The following MMP16 variants were observed in gnomAD, a reference collection of about 807,000 sequenced individuals.
MMP16 encodes the protein matrix metallopeptidase 16, also known as matrix metalloproteinase-16.
MMP16 carries 12 observed loss-of-function variants against 67.8 expected under a neutral mutation model. The observed-to-expected ratio is 0.18, with a 90% confidence interval of 0.11 to 0.29. The LOEUF (loss-of-function observed/expected upper bound fraction) is 0.29. MMP16 is among the 10% of genes least tolerant of loss of function. The pLI is 1.00. For synonymous variants in MMP16, 249 were observed against 255.9 expected, an observed-to-expected ratio of 0.97 and a Z score of 0.26; for missense variants, 475 against 765.7, an observed-to-expected ratio of 0.62 and a Z score of 4.48.
chr8:88,274,665 T>C (rs568392172), intron 1 of MMP16, among the ~76,000 whole-genome samples: 19 of 152,194 alleles, frequency 1.2e-4, no homozygotes, highest in African/African-American at 4.1e-4. Context: ...TTACAATCTG[T>C]AATTATTAAC....
chr8:88,309,604 A>G (rs1052835187), intron 1 of MMP16, among the ~76,000 whole-genome samples: 2 of 152,184 alleles, frequency 1.3e-5, no homozygotes, highest in South Asian at 4.1e-4. Flanking sequence ...ATATGATCCT[A>G]TAATAAAAGC....
chr8:88,057,525 T>C (rs898794791), intron 7 of MMP16, among the ~76,000 whole-genome samples: 2 of 152,126 alleles, frequency 1.3e-5, no homozygotes, highest in Non-Finnish European at 2.9e-5. Flanking sequence ...CTGGGGTTAA[T>C]ATCTGGCAAA....
At chr8:88,067,322 G>A (rs923972684) in intron 7 of MMP16, among the ~76,000 whole-genome samples, 4 of 151,962 alleles carry the variant, frequency 2.6e-5, no homozygotes, top group Non-Finnish European at 4.4e-5. Flanking sequence ...CTGGAACAAC[G>A]AAGGAATCAA....
intron 6 of MMP16, among the ~76,000 whole-genome samples, chr8:88,111,729 G>A (rs573010726): frequency 1.3e-5 from 2 of 151,682 alleles, no homozygotes; most frequent in African/African-American, 4.8e-5. Flanking sequence ...CAGCAAAGGA[G>A]GAAGCAAAAA....
intron 4 of MMP16, among the ~76,000 whole-genome samples, chr8:88,140,277 A>G (rs1003177896): frequency 6.6e-6 from 1 of 152,186 alleles, no homozygotes; most frequent in Non-Finnish European, 1.5e-5. Context: ...CTAAAGTCAA[A>G]TATCTTGAAG....
At chr8:88,256,580 C>T (rs1810304174) in intron 1 of MMP16, among the ~76,000 whole-genome samples, 1 of 151,996 alleles carries the variant, frequency 6.6e-6, no homozygotes, top group Non-Finnish European at 1.5e-5. Context: ...GAAAGACAAA[C>T]TACTGAAGGA....
At chr8:88,154,807 T>G (rs1217203170) in intron 4 of MMP16, among the ~76,000 whole-genome samples, 1 of 149,056 alleles carries the variant, frequency 6.7e-6, no homozygotes, top group Non-Finnish European at 1.5e-5. Context: ...GCATGGCACA[T>G]GTATACATAT....
intron 1 of MMP16, among the ~76,000 whole-genome samples, chr8:88,265,640 G>A (rs1020795634): frequency 1.6e-4 from 24 of 152,272 alleles, no homozygotes; most frequent in Middle Eastern, 3.4e-3. Flanking sequence ...AGCATAGTCT[G>A]AAAGTACCTT....
At chr8:88,097,287 A>G (rs1189034045) in intron 6 of MMP16, among the ~76,000 whole-genome samples, 1 of 151,846 alleles carries the variant, frequency 6.6e-6, no homozygotes, top group East Asian at 1.9e-4. Context: ...TTTGCCAAGG[A>G]TCTTTTCTAT....
rs1029362298 is a variant in MMP16, at chr8:88,038,696, G to A, written c.*2765C>T. Reference sequence around the variant, plus strand: ...TCCCACAAGCAAACACTGTATAAACGAGCTTATGTATATAGTCCTCCATGC... The same window carrying A: ...TCCCACAAGCAAACACTGTATAAACAAGCTTATGTATATAGTCCTCCATGC... On this transcript the variant is annotated 3_prime_UTR_variant, in exon 10 of 10. Coordinates refer to ENST00000286614, the MANE Select transcript of MMP16 (RefSeq NM_005941.5). This position sits in a 1 kb window ranked among gnomAD's most constrained non-coding sequence, Gnocchi z 4.1. 14 of 152,354 alleles carry A rather than the reference G, an allele frequency of 9.2e-5. No individual in the cohort carries two copies. The highest frequency in any genetic ancestry group is 2.4e-4 in the African/African-American group (10 of 41,368). The allele number at this position is 152,354 out of a possible 1,614,324, so 9.4% of individuals were successfully genotyped here.
intron 1 of MMP16, among the ~76,000 whole-genome samples, chr8:88,292,418 G>A (rs28986498): frequency 6.6e-6 from 1 of 151,978 alleles, no homozygotes; most frequent in Admixed American, 6.5e-5. Context: ...TACTTAACCC[G>A]TGTGAACACC....
chr8:88,275,147 C>T (rs1345121261), intron 1 of MMP16, among the ~76,000 whole-genome samples: 1 of 151,978 alleles, frequency 6.6e-6, no homozygotes, highest in Non-Finnish European at 1.5e-5. Flanking sequence ...CTACTACCAT[C>T]TCTGAAAAAG....
chr8:88,073,470 G>T (rs1365343029), intron 7 of MMP16, among the ~76,000 whole-genome samples: 1 of 152,254 alleles, frequency 6.6e-6, no homozygotes, highest in Non-Finnish European at 1.5e-5. Flanking sequence ...GAGGGAAAGA[G>T]AATTGAGTAG....
At chr8:88,105,852 T>C (rs1809228854) in intron 6 of MMP16, among the ~76,000 whole-genome samples, 1 of 151,158 alleles carries the variant, frequency 6.6e-6, no homozygotes, top group Non-Finnish European at 1.5e-5. Context: ...GATTAAATGT[T>C]CAGTGAAAAA....
At position 88,147,633 on chromosome 8, in the gene MMP16, G is replaced by A. The variant is rs1808315617; in HGVS notation, c.709+20036C>T. ...ATTCTAGGTTGAGTTATTTTCTTTT[G>A]GCATTTGAATATATGCCACTGTCTT... On this transcript the variant is annotated intron_variant, in intron 4 of 9. Coordinates refer to ENST00000286614, the MANE Select transcript of MMP16 (RefSeq NM_005941.5). Among the ~76,000 whole-genome samples, 2 of 151,478 alleles carry A rather than the reference G, an allele frequency of 1.3e-5. 1 individual carries two copies. Among genetic ancestry groups the A allele is most frequent in the South Asian group, 4.2e-4 (2 of 4,794 alleles).
Position 88,041,471 on chromosome 8 carries a change from T to G in MMP16, c.1814A>C (p.Glu605Ala), listed in dbSNP as rs767948410. ...AGAAAAAACCCTACATCACACCCACTCTTGCATAGAGCGTTTACAGTACAG... is the reference window on the plus strand; with the variant it reads ...AGAAAAAACCCTACATCACACCCACGCTTGCATAGAGCGTTTACAGTACAG... Reference protein sequence around the residue: ...HILYCKRSMQEWV With the variant: ...HILYCKRSMQAWV Residue 605 changes from glutamate (E) to alanine (A), a missense_variant, in exon 10 of 10, where the codon GAG becomes GCG. Physicochemically the swap from Glu to Ala is moderately radical, Grantham distance 107. This residue lies in a region of MMP16 where 80 missense variants were observed against 93.4 expected (regional missense o/e 0.86). Transcript: ENST00000286614. This position sits in a 1 kb window ranked among gnomAD's most constrained non-coding sequence, Gnocchi z 6.0. The G allele has an allele frequency of 6.2e-7, 1 of 1,613,192 alleles. No individual in the cohort carries two copies. Among genetic ancestry groups the G allele is most frequent in the Admixed American group, 1.7e-5 (1 of 59,994 alleles).
At chr8:88,229,265 T>C (rs1458825273) in intron 1 of MMP16, among the ~76,000 whole-genome samples, 1 of 152,154 alleles carries the variant, frequency 6.6e-6, no homozygotes, top group Admixed American at 6.6e-5. Flanking sequence ...ATAACTCTTT[T>C]CATATTAATG....
chr8:88,085,770 T>C (rs1808823632), intron 6 of MMP16, among the ~76,000 whole-genome samples: 1 of 152,058 alleles, frequency 6.6e-6, no homozygotes. Flanking sequence ...GGAGTTGATA[T>C]ATTCAGATTA....
At chr8:88,187,099 A>G (rs1809088175) in intron 2 of MMP16, among the ~76,000 whole-genome samples, 2 of 152,198 alleles carry the variant, frequency 1.3e-5, no homozygotes, top group Admixed American at 6.5e-5. Context: ...TTGTTCAAAT[A>G]AAATATTCAT....
Sources: allele counts gnomAD v4.1 joint callset (sites outside exome capture counted in the v4.1 genomes callset), GRCh38; gene constraint gnomAD v4.1.1; regional missense constraint gnomAD v4.1.1; non-coding constraint Gnocchi (gnomAD v3.1); transcripts MANE v1.5; gene names NCBI Gene and HGNC (gene_info 2026-07-23, HGNC 2026-07-21).